PCDH15: variants seen among roughly 807,000 people sequenced by gnomAD.
The protein encoded by PCDH15 is protocadherin related 15.
Under a neutral mutation model 178.5 loss-of-function variants are expected in PCDH15, and 129 were observed. That is an observed-to-expected ratio of 0.72 (90% CI 0.63 to 0.84). The LOEUF (loss-of-function observed/expected upper bound fraction) is 0.84. PCDH15 is among the 40% of genes least tolerant of loss of function. The probability of loss-of-function intolerance (pLI) is 0.00; values close to 1 mark genes in which losing one functional copy is unlikely to be tolerated. For synonymous variants in PCDH15, 800 were observed against 732.0 expected (o/e 1.09, Z -1.50); for missense variants, 2,230 against 2,099.9 (o/e 1.06, Z -1.21).
chr10:53,953,687 A>G (rs2087316871), intron 23 of PCDH15, among the ~76,000 whole-genome samples: 1 of 152,160 alleles, frequency 6.6e-6, no homozygotes, highest in Non-Finnish European at 1.5e-5. Context: ...AATTTATTTT[A>G]TTGAGTATAG....
At chr10:55,089,991 G>A (rs1842274384) in intron 2 of PCDH15, among the ~76,000 whole-genome samples, 1 of 151,994 alleles carries the variant, frequency 6.6e-6, no homozygotes, top group Admixed American at 6.6e-5. Context: ...AATAATGGAG[G>A]TTATTAACTT....
intron 32 of PCDH15, among the ~76,000 whole-genome samples, chr10:53,820,895 G>T (rs74134794): frequency 0.021 from 3,181 of 151,980 alleles, 115 homozygotes; most frequent in African/African-American, 0.071. Context: ...GTAAAAGAGT[G>T]ATTGATAGTT....
intron 21 of PCDH15, among the ~76,000 whole-genome samples, chr10:53,965,559 A>T (rs2088921761): frequency 6.6e-6 from 1 of 152,192 alleles, no homozygotes; most frequent in Admixed American, 6.5e-5. Flanking sequence ...TAAGGTGGCA[A>T]TACAATTGAG....
chr10:55,092,128 T>C (rs1184804604), intron 2 of PCDH15, among the ~76,000 whole-genome samples: 1 of 151,932 alleles, frequency 6.6e-6, no homozygotes, highest in Non-Finnish European at 1.5e-5. Context: ...TTTTATGTAT[T>C]GCCAGTGTAG....
At chr10:54,343,330 C>T (rs779362442) in intron 6 of PCDH15, among the ~76,000 whole-genome samples, 8 of 151,946 alleles carry the variant, frequency 5.3e-5, no homozygotes, top group Non-Finnish European at 1.2e-4. Context: ...AGTGATAATT[C>T]CCCCTTCACT....
Position 53,821,927 on chromosome 10 carries a change from G to C in PCDH15, c.4368-1697C>G, listed in dbSNP as rs2076294427. On this transcript the variant is annotated intron_variant, in intron 32 of 37. Coordinates refer to ENST00000644397, the MANE Select transcript of PCDH15 (RefSeq NM_001384140.1). Reference sequence around the variant, plus strand: ...CGACAATATTGTTCAAACTCCCCTTGTTTTGTTCAGATGTGATTTCCATAT... The same window carrying C: ...CGACAATATTGTTCAAACTCCCCTTCTTTTGTTCAGATGTGATTTCCATAT... 6.2e-7 allele frequency: 1 copy of C among 1,613,546 alleles called. No individual in the cohort carries two copies. Among genetic ancestry groups the C allele is most frequent in the Admixed American group, 1.7e-5 (1 of 59,972 alleles).
At chr10:55,040,614 G>A (rs1469490147) in intron 2 of PCDH15, among the ~76,000 whole-genome samples, 2 of 152,116 alleles carry the variant, frequency 1.3e-5, no homozygotes, top group Non-Finnish European at 2.9e-5. Context: ...TGACCATACT[G>A]TACATATTCG....
intron 2 of PCDH15, among the ~76,000 whole-genome samples, chr10:55,126,989 T>C (rs1260011959): frequency 6.6e-6 from 1 of 152,070 alleles, no homozygotes; most frequent in African/African-American, 2.4e-5. Context: ...ACATTCCTCT[T>C]TCCTTCAGGT....
At chr10:54,665,082 T>TGGAA (rs938522481) in intron 1 of PCDH15, among the ~76,000 whole-genome samples, 1 of 151,882 alleles carries the variant, frequency 6.6e-6, no homozygotes, top group African/African-American at 2.4e-5. Context: ...GACTAGGGAT[T>TGGAA]GGAACACTGT....
At chr10:54,048,242 A>G (rs764852982) in intron 18 of PCDH15, among the ~76,000 whole-genome samples, 25 of 151,966 alleles carry the variant, frequency 1.6e-4, no homozygotes, top group Non-Finnish European at 2.2e-4. Context: ...CAAATTTTTA[A>G]TGGCCTTATT....
intron 3 of PCDH15, among the ~76,000 whole-genome samples, chr10:54,466,060 C>T (rs888535540): frequency 1.3e-5 from 2 of 151,684 alleles, no homozygotes; most frequent in Non-Finnish European, 3.0e-5. Context: ...ATGTCTAGTG[C>T]CCATTTTAAC....
Position 55,255,302 on chromosome 10 carries a change from A to G in PCDH15, c.-156+64297T>C, listed in dbSNP as rs191021302. On this transcript the variant is annotated intron_variant, in intron 1 of 5. Coordinates refer to the PCDH15 transcript ENST00000458638. ...TGAACTCATCATTTTTTATGACTGC[A>G]TAGTATTCCATGGTGTGTATGTGCC... 4.1e-3 allele frequency among the ~76,000 whole-genome samples: 619 copies of G among 152,310 alleles called. 13 individuals carry two copies. Among genetic ancestry groups the G allele is most frequent in the Non-Finnish European group, 2.7e-3 (181 of 68,030 alleles).
intron 1 of PCDH15, among the ~76,000 whole-genome samples, chr10:55,275,910 T>G (rs2132252265): frequency 6.6e-6 from 1 of 151,698 alleles, no homozygotes; most frequent in Non-Finnish European, 1.5e-5. Context: ...AGGTATATAA[T>G]TATAAATATT....
At chr10:54,105,989 T>C (rs7916267) in intron 15 of PCDH15, among the ~76,000 whole-genome samples, 10,363 of 152,234 alleles carry the variant, frequency 0.068, 416 homozygotes, top group South Asian at 0.11. Flanking sequence ...TGCTAGACCA[T>C]GGGCATTAAA....
At chr10:54,160,252 T>G (rs1344319616) in intron 13 of PCDH15, among the ~76,000 whole-genome samples, 1 of 152,064 alleles carries the variant, frequency 6.6e-6, no homozygotes, top group African/African-American at 2.4e-5. Flanking sequence ...GGCACAAAAT[T>G]TAAAACTTTG....
At chr10:53,860,856 A>G (rs1214632823) in intron 27 of PCDH15, among the ~76,000 whole-genome samples, 1 of 152,022 alleles carries the variant, frequency 6.6e-6, no homozygotes, top group African/African-American at 2.4e-5. Flanking sequence ...TATGATGTTA[A>G]TACATTTTGA....
At chr10:54,909,198 G>A (rs1364205253) in intron 2 of PCDH15, among the ~76,000 whole-genome samples, 1 of 152,148 alleles carries the variant, frequency 6.6e-6, no homozygotes, top group Non-Finnish European at 1.5e-5. Context: ...TCCAGTCTGC[G>A]GGACACAAAG....
chr10:55,232,964 A>G (rs750560106), intron 1 of PCDH15, among the ~76,000 whole-genome samples: 1 of 152,158 alleles, frequency 6.6e-6, no homozygotes, highest in Non-Finnish European at 1.5e-5. Flanking sequence ...CATCTGAAGT[A>G]AACTATGAGA....
intron 2 of PCDH15, among the ~76,000 whole-genome samples, chr10:55,587,114 T>G (rs1425474497): frequency 6.6e-6 from 1 of 152,210 alleles, no homozygotes; most frequent in East Asian, 1.9e-4. Flanking sequence ...GTACCTTTTT[T>G]GTATTGTTAA....
Sources: allele counts gnomAD v4.1 joint callset (sites outside exome capture counted in the v4.1 genomes callset), GRCh38; gene constraint gnomAD v4.1.1; transcripts MANE v1.5; gene names NCBI Gene and HGNC (gene_info 2026-07-23, HGNC 2026-07-21).